FAM13A: variants seen among roughly 807,000 people sequenced by gnomAD.
FAM13A encodes the protein protein FAM13A.
Under a neutral mutation model 129.6 loss-of-function variants are expected in FAM13A, and 76 were observed. The ratio of observed to expected loss-of-function variants is 0.59; its 90% confidence interval spans 0.49 to 0.71. The LOEUF is 0.71. FAM13A is among the 30% of genes least tolerant of loss of function. The pLI, the probability that FAM13A is intolerant of heterozygous loss-of-function variation, is 0.00. For missense variants in FAM13A, 1,108 were observed against 1,249.3 expected (o/e 0.89, Z 1.70); for synonymous variants, 443 against 449.9 (o/e 0.98, Z 0.20).
At chr4:89,025,703 T>C (rs1345090395) in intron 2 of FAM13A, among the ~76,000 whole-genome samples, 2 of 152,236 alleles carry the variant, frequency 1.3e-5, no homozygotes, top group Non-Finnish European at 2.9e-5. Context: ...AGTAAAGCTC[T>C]TTATGCAATA....
At chr4:88,748,652 C>T (rs1162869610) in intron 17 of FAM13A, among the ~76,000 whole-genome samples, 1 of 152,208 alleles carries the variant, frequency 6.6e-6, no homozygotes, top group Admixed American at 6.5e-5. Context: ...ACCACCACAG[C>T]AAATGGAGAC....
At chr4:88,997,829 G>T (rs1435361822) in intron 3 of FAM13A, among the ~76,000 whole-genome samples, 2 of 152,096 alleles carry the variant, frequency 1.3e-5, no homozygotes, top group Non-Finnish European at 2.9e-5. Context: ...TAGCCTCATG[G>T]TGCCAGATTT....
intron 5 of FAM13A, among the ~76,000 whole-genome samples, chr4:88,913,487 A>G (rs886872146): frequency 6.7e-6 from 1 of 149,098 alleles, no homozygotes; most frequent in East Asian, 2.0e-4. Flanking sequence ...AAGAGGAAGA[A>G]GAAGAGGAGG....
intron 13 of FAM13A, among the ~76,000 whole-genome samples, chr4:88,763,431 G>C (rs1156853976): frequency 6.6e-6 from 1 of 152,180 alleles, no homozygotes; most frequent in Non-Finnish European, 1.5e-5. Context: ...AGTATCACGT[G>C]TGTTATAAAA....
rs751586274 is a variant in FAM13A at position 88,906,420 on chromosome 4, C to A, written c.802G>T (p.Gly268Cys). The A allele has an allele frequency of 3.1e-6, 5 of 1,612,148 alleles. No homozygotes were observed. The East Asian group carries it at 1.1e-4, about 36-fold the overall frequency. ...KNSLPILLTRGLERDMPKPPP... is the reference protein window; with the variant it reads ...KNSLPILLTRCLERDMPKPPP... ...GGTTTTGGCATGTCTCTTTCTAAGC[C>A]TCTTGTTAAAAGGATGGGCAGGGAG... The change falls in exon 6 of 24, where the codon GGC (glycine) becomes TGC (cysteine). Residue 268 changes from glycine (G) to cysteine (C), a missense_variant. Physicochemically the swap from Gly to Cys is radical, Grantham distance 159. This residue lies in a region of FAM13A where 566 missense variants were observed against 595.7 expected (regional missense o/e 0.95). Transcript: ENST00000264344.
intron 10 of FAM13A, among the ~76,000 whole-genome samples, chr4:88,784,490 A>C (rs1444388477): frequency 6.6e-6 from 1 of 151,878 alleles, no homozygotes; most frequent in Non-Finnish European, 1.5e-5. Flanking sequence ...AGATCTCTGG[A>C]CCTCTCACTT....
At chr4:88,996,073 C>T (rs374298052) in intron 3 of FAM13A, among the ~76,000 whole-genome samples, 4 of 152,204 alleles carry the variant, frequency 2.6e-5, no homozygotes, top group South Asian at 2.1e-4. Flanking sequence ...AAACAGCACA[C>T]GCAAAGGGCC....
At chr4:88,790,726 A>G in intron 8 of FAM13A, 99 bp from the exon 9 acceptor site, 1 of 957,496 alleles carries the variant, frequency 1.0e-6, no homozygotes, top group Non-Finnish European at 1.6e-6. Flanking sequence ...AAATTAGCTC[A>G]GTCCCAAGTG....
chr4:88,745,163 A>G (rs1005422722), intron 19 of FAM13A, among the ~76,000 whole-genome samples: 1 of 151,918 alleles, frequency 6.6e-6, no homozygotes, highest in Non-Finnish European at 1.5e-5. Context: ...ATACAGATAA[A>G]CGTCTGTGTG....
intron 11 of FAM13A, among the ~76,000 whole-genome samples, chr4:88,771,606 C>T (rs1720692862): frequency 6.6e-6 from 1 of 152,230 alleles, no homozygotes; most frequent in South Asian, 2.1e-4. Flanking sequence ...ATTGCATTAA[C>T]TTTTATTTTA....
At chr4:89,044,287 A>G (rs1274345235) in intron 1 of FAM13A, among the ~76,000 whole-genome samples, 2 of 152,322 alleles carry the variant, frequency 1.3e-5, no homozygotes, top group African/African-American at 4.8e-5. Context: ...ATTTTTCCAA[A>G]TAAGACATAA....
At chr4:88,962,764 A>G (rs1399953111) in intron 4 of FAM13A, among the ~76,000 whole-genome samples, 1 of 152,214 alleles carries the variant, frequency 6.6e-6, no homozygotes, top group African/African-American at 2.4e-5. Context: ...CTGAAATGTG[A>G]GTGCATAATA....
intron 6 of FAM13A, among the ~76,000 whole-genome samples, chr4:88,870,716 A>G (rs1257797550): frequency 6.6e-6 from 1 of 152,250 alleles, no homozygotes; most frequent in African/African-American, 2.4e-5. Context: ...AAAAGGCAGC[A>G]GAAACTTCTG....
intron 5 of FAM13A, among the ~76,000 whole-genome samples, chr4:88,912,273 G>C (rs573742520): frequency 1.7e-4 from 22 of 129,732 alleles, no homozygotes; most frequent in African/African-American, 6.4e-4. Context: ...AATTGGCTGA[G>C]GACATATAGA....
intron 1 of FAM13A, among the ~76,000 whole-genome samples, chr4:89,045,039 G>A (rs994622251): frequency 6.6e-6 from 1 of 152,062 alleles, no homozygotes; most frequent in Non-Finnish European, 1.5e-5. Context: ...TAATCTTACA[G>A]AATTATATAT....
At chr4:88,934,851 C>A (rs1403329657) in intron 5 of FAM13A, among the ~76,000 whole-genome samples, 1 of 152,142 alleles carries the variant, frequency 6.6e-6, no homozygotes, top group East Asian at 1.9e-4. Flanking sequence ...TGCCAAGGGC[C>A]AACATATACA....
At position 88,758,853 on chromosome 4, in the gene FAM13A, G is replaced by A; in HGVS notation, c.1627C>T (p.Gln543Ter). 1 of 1,613,994 alleles carries A rather than the reference G, an allele frequency of 6.2e-7. No homozygotes were observed. Among genetic ancestry groups the A allele is most frequent in the Non-Finnish European group, 8.5e-7 (1 of 1,179,904 alleles). Residue 543 changes from glutamine to a stop codon, truncating the protein, a stop_gained, in exon 14 of 24, where the codon CAG becomes TAG. Transcript: ENST00000264344. LOFTEE classifies it high-confidence loss of function. ...TCACCGGCATCTTGATTTCTCTGCT[G>A]TTTGGTGTCAGATAGGCTGGGATGC... ...QEHPSLSDTKQQRNQDAGDQE... is the reference protein window; with the variant it reads ...QEHPSLSDTK
intron 3 of FAM13A, among the ~76,000 whole-genome samples, chr4:89,010,633 G>A (rs1452156949): frequency 1.3e-5 from 2 of 152,156 alleles, no homozygotes; most frequent in Non-Finnish European, 2.9e-5. Context: ...TAAGTTTGCA[G>A]GGATCTTTCC....
intron 4 of FAM13A, among the ~76,000 whole-genome samples, chr4:88,976,952 G>C (rs115884297): frequency 0.011 from 1,721 of 152,220 alleles, 22 homozygotes; most frequent in Non-Finnish European, 0.02. Flanking sequence ...ATACCATATA[G>C]CTTAGGTGTG....
Sources: allele counts gnomAD v4.1 joint callset (sites outside exome capture counted in the v4.1 genomes callset), GRCh38; gene constraint gnomAD v4.1.1; regional missense constraint gnomAD v4.1.1; transcripts MANE v1.5; gene names NCBI Gene and HGNC (gene_info 2026-07-23, HGNC 2026-07-21).